Variants in SOX5 observed in about 807,000 individuals in gnomAD.
The protein encoded by SOX5 is SRY-box transcription factor 5, also known as transcription factor SOX-5.
In SOX5, 9 loss-of-function variants were observed where a neutral mutation model predicts 92.0. The observed-to-expected ratio is 0.10, with a 90% confidence interval of 0.06 to 0.17. The LOEUF is 0.17. Ranked by LOEUF, SOX5 falls within the 10% of genes least tolerant of loss-of-function variation. SOX5 has a pLI of 1.00. For missense variants in SOX5, 642 were observed against 944.5 expected, an observed-to-expected ratio of 0.68 and a Z score of 4.20; for synonymous variants, 344 against 336.3, an observed-to-expected ratio of 1.02 and a Z score of -0.25.
intron 4 of SOX5, among the ~76,000 whole-genome samples, chr12:24,054,485 G>A (rs1184034206): frequency 1.3e-5 from 2 of 152,106 alleles, no homozygotes; most frequent in African/African-American, 4.8e-5. Flanking sequence ...TGCTACCCAG[G>A]ACATGGGTCA....
At chr12:23,743,557 G>A (rs542153813) in intron 4 of SOX5, among the ~76,000 whole-genome samples, 9 of 152,056 alleles carry the variant, frequency 5.9e-5, no homozygotes, top group South Asian at 4.1e-4. Flanking sequence ...TGATCCTCCC[G>A]CCTCAGCCTC....
chr12:24,058,957 A>C (rs547098583), intron 4 of SOX5, among the ~76,000 whole-genome samples: 1 of 152,248 alleles, frequency 6.6e-6, no homozygotes, highest in Admixed American at 6.5e-5. Context: ...AGATATCTCA[A>C]ATATGTGCTT....
At chr12:23,705,144 C>A (rs1394761847) in intron 6 of SOX5, among the ~76,000 whole-genome samples, 3 of 151,884 alleles carry the variant, frequency 2.0e-5, no homozygotes, top group Non-Finnish European at 4.4e-5. Context: ...TGGTAACTTT[C>A]AAATCTCAGC....
chr12:24,365,071 T>C (rs1354560572), intron 2 of SOX5, among the ~76,000 whole-genome samples: 1 of 152,120 alleles, frequency 6.6e-6, no homozygotes, highest in Non-Finnish European at 1.5e-5. Flanking sequence ...GGAGCAGTAA[T>C]GACTCATTTT....
chr12:23,664,923 G>T (rs1197511336), intron 7 of SOX5, among the ~76,000 whole-genome samples: 1 of 152,126 alleles, frequency 6.6e-6, no homozygotes, highest in African/African-American at 2.4e-5. Context: ...AGTCAGGCAA[G>T]CGCTCCCTAA....
chr12:24,379,582 G>A (rs1957614019), intron 1 of SOX5, among the ~76,000 whole-genome samples: 1 of 152,144 alleles, frequency 6.6e-6, no homozygotes, highest in African/African-American at 2.4e-5. Flanking sequence ...CATCAATGGT[G>A]ACATTTCCTC....
chr12:24,162,340 T>C (rs1177052899), intron 4 of SOX5, among the ~76,000 whole-genome samples: 1 of 152,116 alleles, frequency 6.6e-6, no homozygotes, highest in Non-Finnish European at 1.5e-5. Context: ...TACACTTATC[T>C]AGTTTTATCC....
At chr12:24,109,513 C>G (rs1333251927) in intron 4 of SOX5, among the ~76,000 whole-genome samples, 1 of 152,118 alleles carries the variant, frequency 6.6e-6, no homozygotes, top group African/African-American at 2.4e-5. Flanking sequence ...ATAGTAAAGA[C>G]AGTTTTGATC....
chr12:23,858,516 G>A (rs1041937700), intron 2 of SOX5, among the ~76,000 whole-genome samples: 3 of 152,080 alleles, frequency 2.0e-5, no homozygotes, highest in African/African-American at 7.2e-5. Flanking sequence ...CAGTCAGAAT[G>A]GCTATTATTA....
At chr12:24,368,963 C>G (rs569907001) in intron 1 of SOX5, among the ~76,000 whole-genome samples, 2 of 152,130 alleles carry the variant, frequency 1.3e-5, no homozygotes, top group African/African-American at 2.4e-5. Flanking sequence ...AGGTCCAAAC[C>G]CTGGTTCCAC....
At chr12:24,112,864 G>A (rs922527155) in intron 4 of SOX5, among the ~76,000 whole-genome samples, 37 of 151,782 alleles carry the variant, frequency 2.4e-4, no homozygotes, top group African/African-American at 8.7e-4. Context: ...CCTAATCATT[G>A]CTTTTAGAAA....
rs914010206 is a variant in SOX5 at position 24,508,059 on chromosome 12, A to G, written c.-251+54270T>C. ...GGGTGGGTGGAAGGCAAGGTTGCAC[A>G]AGGGAGGGCCAGGTTGCAGCAGCCT... On this transcript the variant is annotated intron_variant, in intron 1 of 4. Coordinates refer to the SOX5 transcript ENST00000446891. Among the ~76,000 whole-genome samples, 14 of 152,258 alleles carry G rather than the reference A, an allele frequency of 9.2e-5. No individual in the cohort carries two copies. In the East Asian group the frequency reaches 2.5e-3, roughly 27 times the overall value.
intron 1 of SOX5, among the ~76,000 whole-genome samples, chr12:24,397,436 AGTC>A (rs1371769817): frequency 2.0e-5 from 3 of 152,250 alleles, no homozygotes; most frequent in African/African-American, 4.8e-5. Flanking sequence ...ATAAATTACC[AGTC>A]ATCACTGGAC....
intron 2 of SOX5, among the ~76,000 whole-genome samples, chr12:24,361,425 C>A (rs960009683): frequency 1.3e-5 from 2 of 152,124 alleles, no homozygotes; most frequent in African/African-American, 4.8e-5. Flanking sequence ...ATTTCCTCAG[C>A]TGAAAAAGTG....
At chr12:24,105,428 C>T (rs1946559021) in intron 4 of SOX5, among the ~76,000 whole-genome samples, 1 of 152,064 alleles carries the variant, frequency 6.6e-6, no homozygotes, top group Non-Finnish European at 1.5e-5. Context: ...GTAATCCCAG[C>T]TACTTGGGAG....
chr12:23,877,419 G>A (rs1353165058), intron 2 of SOX5, among the ~76,000 whole-genome samples: 1 of 152,056 alleles, frequency 6.6e-6, no homozygotes, highest in Non-Finnish European at 1.5e-5. Flanking sequence ...AATTGTTCAT[G>A]AGTCCAGTCT....
chr12:23,993,584 C>G (rs1056581623), intron 4 of SOX5, among the ~76,000 whole-genome samples: 1 of 152,098 alleles, frequency 6.6e-6, no homozygotes, highest in African/African-American at 2.4e-5. Context: ...CCTTACCATC[C>G]CCAACATACT....
intron 4 of SOX5, among the ~76,000 whole-genome samples, chr12:23,999,497 T>C (rs1355047149): frequency 6.6e-6 from 1 of 152,162 alleles, no homozygotes; most frequent in East Asian, 1.9e-4. Context: ...GTGATAGATA[T>C]GTTAACTAGC....
chr12:23,847,644 G>C (rs1183146425), intron 2 of SOX5, among the ~76,000 whole-genome samples: 1 of 151,718 alleles, frequency 6.6e-6, no homozygotes, highest in Non-Finnish European at 1.5e-5. Context: ...TCAGTTTGTT[G>C]CATGTGGCTG....
Sources: allele counts gnomAD v4.1 joint callset (sites outside exome capture counted in the v4.1 genomes callset), GRCh38; gene constraint gnomAD v4.1.1; transcripts MANE v1.5; gene names NCBI Gene and HGNC (gene_info 2026-07-23, HGNC 2026-07-21).